NKAIN2: variants seen among roughly 807,000 people sequenced by gnomAD.
NKAIN2 encodes the protein sodium/potassium-transporting ATPase subunit beta-1-interacting protein 2.
Under a neutral mutation model 32.6 loss-of-function variants are expected in NKAIN2, and 14 were observed. The ratio of observed to expected loss-of-function variants is 0.43; its 90% CI spans 0.28 to 0.67. NKAIN2 has a LOEUF of 0.67. Ranked by LOEUF, NKAIN2 falls within the 30% of genes least tolerant of loss-of-function variation. The pLI is 0.17. For missense variants in NKAIN2, 198 were observed against 258.3 expected (o/e 0.77, Z 1.60); for synonymous variants, 80 against 87.2 (o/e 0.92, Z 0.46).
chr6:124,030,540 T>C (rs536193785), intron 1 of NKAIN2, among the ~76,000 whole-genome samples: 40 of 152,306 alleles, frequency 2.6e-4, no homozygotes, highest in African/African-American at 9.6e-4. Flanking sequence ...GTACAAGATG[T>C]TATATATTGG....
chr6:124,686,403 A>G (rs1773880870), intron 4 of NKAIN2, among the ~76,000 whole-genome samples: 1 of 152,168 alleles, frequency 6.6e-6, no homozygotes, highest in Non-Finnish European at 1.5e-5. Flanking sequence ...GAAACTTATG[A>G]TCATGGCAGA....
At chr6:124,158,998 C>T (rs1357771544) in intron 1 of NKAIN2, among the ~76,000 whole-genome samples, 3 of 152,116 alleles carry the variant, frequency 2.0e-5, no homozygotes, top group African/African-American at 7.2e-5. Context: ...AGATTAATCA[C>T]TATGACATAG....
intron 5 of NKAIN2, among the ~76,000 whole-genome samples, chr6:124,816,551 G>C (rs1009117510): frequency 6.6e-6 from 1 of 152,064 alleles, no homozygotes; most frequent in Non-Finnish European, 1.5e-5. Flanking sequence ...GGAATTATCT[G>C]TACTTTCTGC....
At chr6:124,045,379 A>G (rs1026295756) in intron 1 of NKAIN2, among the ~76,000 whole-genome samples, 1 of 152,040 alleles carries the variant, frequency 6.6e-6, no homozygotes, top group Admixed American at 6.6e-5. Flanking sequence ...TCCTCTTGCC[A>G]TGGAAAAATG....
chr6:124,056,161 G>A (rs1475389028), intron 1 of NKAIN2, among the ~76,000 whole-genome samples: 1 of 151,788 alleles, frequency 6.6e-6, no homozygotes, highest in South Asian at 2.1e-4. Flanking sequence ...AAAGTAATGA[G>A]GCCATTGAAA....
chr6:124,191,646 T>A (rs1790028062), intron 1 of NKAIN2, among the ~76,000 whole-genome samples: 1 of 152,144 alleles, frequency 6.6e-6, no homozygotes, highest in Non-Finnish European at 1.5e-5. Flanking sequence ...TAAATAGATA[T>A]AATGAGAGCA....
At chr6:124,264,580 A>T (rs1794402836) in intron 1 of NKAIN2, among the ~76,000 whole-genome samples, 1 of 152,228 alleles carries the variant, frequency 6.6e-6, no homozygotes. Context: ...TAAAATAGAT[A>T]TAAGACCTCC....
At chr6:123,891,848 CT>C (rs1488451194) in intron 1 of NKAIN2, among the ~76,000 whole-genome samples, 2 of 152,100 alleles carry the variant, frequency 1.3e-5, no homozygotes, top group Non-Finnish European at 2.9e-5. Flanking sequence ...AGAATAGATA[CT>C]AAAATAGAGA....
chr6:124,029,840 A>G (rs1192466546), intron 1 of NKAIN2, among the ~76,000 whole-genome samples: 1 of 152,084 alleles, frequency 6.6e-6, no homozygotes, highest in Non-Finnish European at 1.5e-5. Flanking sequence ...TTCCTGTTAG[A>G]TCAGTGGCAG....
chr6:124,082,963 G>T (rs1489830588), intron 1 of NKAIN2, among the ~76,000 whole-genome samples: 1 of 151,868 alleles, frequency 6.6e-6, no homozygotes. Context: ...TGATCATTAT[G>T]CCTTTCATAC....
At chr6:124,585,755 TG>T (rs1283572851) in intron 3 of NKAIN2, among the ~76,000 whole-genome samples, 4 of 152,226 alleles carry the variant, frequency 2.6e-5, no homozygotes, top group Non-Finnish European at 5.9e-5. Flanking sequence ...TTAAATTTTT[TG>T]TTCTTTTAAA....
intron 1 of NKAIN2, among the ~76,000 whole-genome samples, chr6:124,099,625 G>T (rs1215912347): frequency 1.3e-5 from 2 of 152,182 alleles, no homozygotes; most frequent in African/African-American, 4.8e-5. Flanking sequence ...AGAGAATGAG[G>T]TTAAAGCTGT....
chr6:124,211,938 G>T (rs558495893), intron 1 of NKAIN2, among the ~76,000 whole-genome samples: 1 of 152,076 alleles, frequency 6.6e-6, no homozygotes, highest in Non-Finnish European at 1.5e-5. Flanking sequence ...AGTTCCAGTG[G>T]TAGTCATGCT....
intron 1 of NKAIN2, among the ~76,000 whole-genome samples, chr6:124,045,181 A>AAT (rs759399618): frequency 2.6e-4 from 39 of 151,658 alleles, no homozygotes; most frequent in Non-Finnish European, 4.0e-4. Context: ...AATATATTCT[A>AAT]ATATATATAT....
intron 3 of NKAIN2, among the ~76,000 whole-genome samples, chr6:124,448,760 T>C (rs927237259): frequency 6.6e-6 from 1 of 152,192 alleles, no homozygotes; most frequent in African/African-American, 2.4e-5. Context: ...CTTCTAAGCA[T>C]AGATTCTAAC....
intron 1 of NKAIN2, among the ~76,000 whole-genome samples, chr6:124,043,780 G>T (rs1460190089): frequency 1.3e-5 from 2 of 152,048 alleles, no homozygotes; most frequent in African/African-American, 4.8e-5. Context: ...CATATCTCAT[G>T]TACAGCACAC....
At chr6:124,365,157 AT>A (rs1799468919) in intron 3 of NKAIN2, among the ~76,000 whole-genome samples, 1 of 151,898 alleles carries the variant, frequency 6.6e-6, no homozygotes, top group Non-Finnish European at 1.5e-5. Context: ...TAAGAAAAAA[AT>A]ATCAAGATGG....
chr6:124,197,033 G>A (rs1280175148), intron 1 of NKAIN2, among the ~76,000 whole-genome samples: 1 of 151,332 alleles, frequency 6.6e-6, no homozygotes, highest in African/African-American at 2.4e-5. Context: ...ACTAAATCTG[G>A]AATAGTATGC....
At chr6:124,792,337 A>T (rs1482331686) in intron 5 of NKAIN2, among the ~76,000 whole-genome samples, 1 of 152,176 alleles carries the variant, frequency 6.6e-6, no homozygotes, top group Non-Finnish European at 1.5e-5. Flanking sequence ...GGAAAGGAAG[A>T]GGCAATATCA....
Sources: gnomAD v4.1 joint callset for allele counts (sites outside exome capture counted in the v4.1 genomes callset) on GRCh38, gnomAD v4.1.1 for gene constraint, MANE v1.5 for transcripts, NCBI Gene and HGNC (gene_info 2026-07-23, HGNC 2026-07-21) for gene names.